The following CEP128 variants were observed in gnomAD, a reference collection of about 807,000 sequenced individuals.
CEP128 encodes the protein centrosomal protein 128kDa.
Under a neutral mutation model 156.7 loss-of-function variants are expected in CEP128, and 132 were observed. That is an observed-to-expected ratio of 0.84 (90% CI 0.73 to 0.97). CEP128 has a LOEUF of 0.97. Among genes scored for constraint, CEP128 ranks in the 50% least tolerant of loss-of-function variants. CEP128 has a pLI of 0.00. For synonymous variants in CEP128, 469 were observed against 448.9 expected (o/e 1.04, Z -0.57); for missense variants, 1,252 against 1,281.9 (o/e 0.98, Z 0.36).
chr14:80,856,914 T>C (rs1887207939), intron 9 of CEP128, among the ~76,000 whole-genome samples: 1 of 150,828 alleles, frequency 6.6e-6, no homozygotes, highest in African/African-American at 2.4e-5. Flanking sequence ...CTGTTGTTTG[T>C]TTTTTGTATT....
intron 19 of CEP128, among the ~76,000 whole-genome samples, chr14:80,729,776 G>T (rs1664305732): frequency 6.6e-6 from 1 of 152,150 alleles, no homozygotes; most frequent in Non-Finnish European, 1.5e-5. Context: ...TTTGCTTGAA[G>T]ATAGGTATTT....
At chr14:80,884,314 T>C (rs1178759157) in intron 8 of CEP128, among the ~76,000 whole-genome samples, 1 of 152,136 alleles carries the variant, frequency 6.6e-6, no homozygotes, top group East Asian at 1.9e-4. Flanking sequence ...ACAGAAAATT[T>C]TGCAAACTAT....
intron 13 of CEP128, among the ~76,000 whole-genome samples, chr14:80,829,913 A>G (rs184345301): frequency 1.4e-3 from 206 of 152,292 alleles, no homozygotes; most frequent in African/African-American, 4.8e-3. Context: ...TTTTTTTCCA[A>G]TGTATACCAT....
At chr14:80,790,819 G>C (rs1156757888) in intron 14 of CEP128, among the ~76,000 whole-genome samples, 6 of 151,762 alleles carry the variant, frequency 4.0e-5, no homozygotes, top group Non-Finnish European at 8.8e-5. Flanking sequence ...AGAACTGGTG[G>C]TAGACACAGA....
chr14:80,809,633 C>T (rs1884389858), intron 13 of CEP128, among the ~76,000 whole-genome samples: 1 of 152,128 alleles, frequency 6.6e-6, no homozygotes, highest in South Asian at 2.1e-4. Flanking sequence ...CATCTAATCA[C>T]TTATAAATGA....
chr14:80,670,221 A>G (rs1212874279), intron 19 of CEP128, among the ~76,000 whole-genome samples: 1 of 152,216 alleles, frequency 6.6e-6, no homozygotes, highest in Non-Finnish European at 1.5e-5. Context: ...AGCAGGGCAA[A>G]TATCGAAACT....
At chr14:80,833,187 TTGTG>T (rs1885898872) in intron 12 of CEP128, among the ~76,000 whole-genome samples, 1 of 151,870 alleles carries the variant, frequency 6.6e-6, no homozygotes, top group Non-Finnish European at 1.5e-5. Context: ...ATGTGTATAT[TTGTG>T]TGCATATAAC....
intron 21 of CEP128, among the ~76,000 whole-genome samples, chr14:80,552,685 CAT>C (rs1180603978): frequency 4.6e-5 from 7 of 152,118 alleles, no homozygotes; most frequent in Non-Finnish European, 8.8e-5. Flanking sequence ...TGTCTTCTCA[CAT>C]GTTTCTTTTT....
chr14:80,740,566 GATGC>G (rs1898780274), intron 19 of CEP128, among the ~76,000 whole-genome samples: 1 of 147,274 alleles, frequency 6.8e-6, no homozygotes, highest in Non-Finnish European at 1.5e-5. Flanking sequence ...AGATAGAAAT[GATGC>G]ATATTTCTTT....
At chr14:80,857,370 G>C (rs1294812145) in intron 9 of CEP128, among the ~76,000 whole-genome samples, 1 of 151,788 alleles carries the variant, frequency 6.6e-6, no homozygotes, top group Non-Finnish European at 1.5e-5. Flanking sequence ...TTTATAGTAT[G>C]ATAATTTACC....
intron 19 of CEP128, among the ~76,000 whole-genome samples, chr14:80,691,989 T>C (rs1479563489): frequency 6.6e-6 from 1 of 152,142 alleles, no homozygotes; most frequent in Non-Finnish European, 1.5e-5. Flanking sequence ...ACTCCCCTCT[T>C]GCACACGGAC....
intron 2 of CEP128, among the ~76,000 whole-genome samples, chr14:80,934,572 G>A (rs537582419): frequency 6.6e-6 from 1 of 152,312 alleles, no homozygotes; most frequent in East Asian, 1.9e-4. Context: ...ACCTCCCTGA[G>A]GGCATATACT....
intron 19 of CEP128, among the ~76,000 whole-genome samples, chr14:80,611,361 T>C (rs1751808131): frequency 6.6e-6 from 1 of 151,546 alleles, no homozygotes; most frequent in Non-Finnish European, 1.5e-5. Flanking sequence ...AAGGTCATTT[T>C]GAGTTTGGAA....
intron 8 of CEP128, among the ~76,000 whole-genome samples, chr14:80,878,822 T>C (rs1222706588): frequency 6.6e-6 from 1 of 152,158 alleles, no homozygotes; most frequent in Non-Finnish European, 1.5e-5. Context: ...GTGCTACAAG[T>C]TTCAGAAGAC....
At chr14:80,896,597 T>C (rs1435370865) in intron 7 of CEP128, among the ~76,000 whole-genome samples, 2 of 152,226 alleles carry the variant, frequency 1.3e-5, no homozygotes, top group African/African-American at 4.8e-5. Context: ...TATGAATTAT[T>C]CCATCCTATG....
At chr14:80,860,354 G>T (rs1048215434) in intron 9 of CEP128, among the ~76,000 whole-genome samples, 4 of 152,080 alleles carry the variant, frequency 2.6e-5, no homozygotes, top group Non-Finnish European at 4.4e-5. Flanking sequence ...TGTCAGAGAT[G>T]GAATTCCAAA....
chr14:80,807,642 T>C (rs1377753530), intron 13 of CEP128, among the ~76,000 whole-genome samples: 1 of 152,210 alleles, frequency 6.6e-6, no homozygotes, highest in Admixed American at 6.5e-5. Context: ...TCTGAAACAC[T>C]GGAGAGCTCC....
chr14:80,888,071 T>TAA (rs915933485), intron 8 of CEP128, among the ~76,000 whole-genome samples: 2 of 152,064 alleles, frequency 1.3e-5, no homozygotes, highest in Non-Finnish European at 2.9e-5. Flanking sequence ...CTCCCAAGAC[T>TAA]AAACCAGGAA....
At chr14:80,744,496 T>A (rs1184549992) in intron 18 of CEP128, among the ~76,000 whole-genome samples, 1 of 150,728 alleles carries the variant, frequency 6.6e-6, no homozygotes, top group Non-Finnish European at 1.5e-5. Context: ...ATATTGTTTT[T>A]AAAAATTAAC....
Sources: gnomAD v4.1 joint callset for allele counts (sites outside exome capture counted in the v4.1 genomes callset) on GRCh38, gnomAD v4.1.1 for gene constraint, MANE v1.5 for transcripts, NCBI Gene and HGNC (gene_info 2026-07-23, HGNC 2026-07-21) for gene names.